The following MRTFA variants were observed in gnomAD, a reference collection of about 807,000 sequenced individuals.
MRTFA encodes the protein myocardin related transcription factor A.
MRTFA carries 20 observed loss-of-function variants against 83.5 expected under a neutral mutation model. The ratio of observed to expected loss-of-function variants is 0.24; its 90% CI spans 0.17 to 0.35. The LOEUF is 0.35. MRTFA is among the 10% of genes least tolerant of loss of function. MRTFA has a pLI of 1.00. For synonymous variants in MRTFA, 659 were observed against 541.2 expected, an observed-to-expected ratio of 1.22 and a Z score of -3.02; for missense variants, 1,200 against 1,224.7, an observed-to-expected ratio of 0.98 and a Z score of 0.30.
At chr22:40,510,751 G>C (rs547900733) in intron 3 of MRTFA, among the ~76,000 whole-genome samples, 1 of 152,128 alleles carries the variant, frequency 6.6e-6, no homozygotes, top group Non-Finnish European at 1.5e-5. Flanking sequence ...AACATAAGGA[G>C]AGCACAGCAG....
At chr22:40,572,104 CA>C (rs1189109467) in intron 2 of MRTFA, among the ~76,000 whole-genome samples, 1 of 151,686 alleles carries the variant, frequency 6.6e-6, no homozygotes, top group East Asian at 1.9e-4. Flanking sequence ...AAGATGCGGA[CA>C]AACTGGAGTT....
chr22:40,610,713 T>C (rs1346921638), intron 1 of MRTFA, among the ~76,000 whole-genome samples: 2 of 151,942 alleles, frequency 1.3e-5, no homozygotes, highest in Admixed American at 6.6e-5. Flanking sequence ...TTGCTTGGCA[T>C]AGATATATTA....
intron 1 of MRTFA, among the ~76,000 whole-genome samples, chr22:40,609,228 T>C (rs1305996261): frequency 6.6e-6 from 1 of 150,704 alleles, no homozygotes; most frequent in Non-Finnish European, 1.5e-5. Flanking sequence ...GAGGTGGAGG[T>C]TGCAGTGTGC....
intron 3 of MRTFA, among the ~76,000 whole-genome samples, chr22:40,476,162 G>T (rs1287093693): frequency 2.6e-5 from 4 of 151,648 alleles, no homozygotes; most frequent in South Asian, 2.1e-4. Flanking sequence ...AAAAGGGGGG[G>T]GGTCTTGAAA....
chr22:40,419,830 A>C (rs2052789383), intron 11 of MRTFA, among the ~76,000 whole-genome samples: 1 of 152,248 alleles, frequency 6.6e-6, no homozygotes, highest in Non-Finnish European at 1.5e-5. Context: ...CACGCAAGGC[A>C]CTGGGCATGA....
At chr22:40,514,343 A>C (rs2054720564) in intron 3 of MRTFA, among the ~76,000 whole-genome samples, 1 of 152,154 alleles carries the variant, frequency 6.6e-6, no homozygotes, top group African/African-American at 2.4e-5. Context: ...GTATCCATTC[A>C]GGAATGTGGA....
chr22:40,464,998 G>T (rs933077714), intron 3 of MRTFA, among the ~76,000 whole-genome samples: 1 of 152,012 alleles, frequency 6.6e-6, no homozygotes, highest in Non-Finnish European at 1.5e-5. Flanking sequence ...CCCATTTCAA[G>T]TTATCTTAAT....
chr22:40,625,446 TCTC>T (rs1443630642), intron 1 of MRTFA, among the ~76,000 whole-genome samples: 433 of 139,310 alleles, frequency 3.1e-3, no homozygotes, highest in Non-Finnish European at 5.0e-3. Flanking sequence ...CAAGGCCCTC[TCTC>T]TAAATAAATA....
At chr22:40,599,190 C>A (rs903822634) in intron 1 of MRTFA, among the ~76,000 whole-genome samples, 2 of 151,558 alleles carry the variant, frequency 1.3e-5, no homozygotes, top group African/African-American at 4.9e-5. Context: ...CCCAGCTACT[C>A]AGGAGGCTGA....
chr22:40,515,313 CAAT>C (rs1473219944), intron 3 of MRTFA, among the ~76,000 whole-genome samples: 2 of 152,084 alleles, frequency 1.3e-5, no homozygotes, highest in Non-Finnish European at 2.9e-5. Context: ...AATGCTAAAA[CAAT>C]AAAAATAAGA....
chr22:40,423,458 C>T (rs1427252040), intron 9 of MRTFA, 78 bp downstream of exon 9: 1 of 1,286,116 alleles, frequency 7.8e-7, no homozygotes, highest in African/African-American at 1.5e-5. Flanking sequence ...ACAGCTGTCC[C>T]CACAGCTGGA....
At position 40,502,298 on chromosome 22, in the gene MRTFA, C is replaced by T. The variant is rs1162218521; in HGVS notation, c.242-39012G>A. 2.4e-5 allele frequency among the ~76,000 whole-genome samples: 3 copies of T among 126,916 alleles called. No homozygotes were observed. The East Asian group carries it at 7.9e-4, about 33-fold the overall frequency. 83.3% of individuals were successfully genotyped at this position (126,916 alleles called of 152,430 possible). A position where few individuals can be genotyped will look rare whatever the true frequency, so the allele number is the denominator to read the frequency against. On this transcript the variant is annotated intron_variant, in intron 3 of 14. Transcript: ENST00000355630. ...TGCCGGGCGGAGGGGCTCCTCACTT[C>T]TCAGACGGGGTGGTTGCCAGGCAGA...
chr22:40,481,571 A>T lies in MRTFA; in HGVS notation c.242-18285T>A, dbSNP rs2054090593. 3.3e-5 allele frequency among the ~76,000 whole-genome samples: 5 copies of T among 152,118 alleles called. No homozygotes were observed. In the South Asian group the frequency reaches 1.0e-3, roughly 32 times the overall value. Reference sequence around the variant, plus strand: ...AATATAGTGGAACAAGAGAACAGAGAGTGACAGGGGTGGTGATAATTTTAG... The same window carrying T: ...AATATAGTGGAACAAGAGAACAGAGTGTGACAGGGGTGGTGATAATTTTAG... On this transcript the variant is annotated intron_variant, in intron 3 of 14. Coordinates refer to ENST00000355630, the MANE Select transcript of MRTFA (RefSeq NM_020831.6).
chr22:40,449,846 A>G (rs1024595791), intron 4 of MRTFA, among the ~76,000 whole-genome samples: 14 of 152,212 alleles, frequency 9.2e-5, no homozygotes, highest in African/African-American at 3.4e-4. Flanking sequence ...CATCTTCCTC[A>G]CACCCTGGCT....
At chr22:40,453,676 A>T (rs1031068989) in intron 4 of MRTFA, among the ~76,000 whole-genome samples, 1 of 152,014 alleles carries the variant, frequency 6.6e-6, no homozygotes, top group African/African-American at 2.4e-5. Flanking sequence ...ATAGTGTAAC[A>T]CTCCACTTAA....
intron 3 of MRTFA, among the ~76,000 whole-genome samples, chr22:40,538,985 C>T (rs1401475200): frequency 9.4e-6 from 1 of 106,946 alleles, no homozygotes; most frequent in East Asian, 3.3e-4. Flanking sequence ...GATACACAGC[C>T]TTTTGTTTTT....
At chr22:40,467,175 A>T (rs2053824398) in intron 3 of MRTFA, among the ~76,000 whole-genome samples, 1 of 152,182 alleles carries the variant, frequency 6.6e-6, no homozygotes, top group African/African-American at 2.4e-5. Context: ...TAACAGAATT[A>T]TCCTGTATCA....
At chr22:40,423,727 G>T in intron 8 of MRTFA, 42 bp from the exon 9 acceptor site, 1 of 1,489,020 alleles carries the variant, frequency 6.7e-7, no homozygotes, top group Non-Finnish European at 9.0e-7. Flanking sequence ...CCACCTCCAG[G>T]TAGGGTGTGC....
At chr22:40,634,165 G>T (rs2056669804) in intron 1 of MRTFA, among the ~76,000 whole-genome samples, 1 of 151,380 alleles carries the variant, frequency 6.6e-6, no homozygotes, top group Admixed American at 6.6e-5. Flanking sequence ...ATAGCTTACT[G>T]CCACCTCAAA....
Sources: gnomAD v4.1 joint callset for allele counts (sites outside exome capture counted in the v4.1 genomes callset) on GRCh38, gnomAD v4.1.1 for gene constraint, MANE v1.5 for transcripts, NCBI Gene and HGNC (gene_info 2026-07-23, HGNC 2026-07-21) for gene names.